PRKN: variants seen among roughly 807,000 people sequenced by gnomAD.
The protein encoded by PRKN is parkin RBR E3 ubiquitin protein ligase.
A neutral mutation model predicts 59.5 loss-of-function variants in PRKN; 56 were observed. That is an observed-to-expected ratio of 0.94 (90% CI 0.76 to 1.18). The LOEUF is 1.18. Among genes scored for constraint, PRKN ranks in the 50% most tolerant of loss-of-function variants. The pLI is 0.00. For synonymous variants in PRKN, 250 were observed against 222.1 expected (o/e 1.13, Z -1.12); for missense variants, 657 against 596.4 (o/e 1.10, Z -1.06).
intron 7 of PRKN, among the ~76,000 whole-genome samples, chr6:161,725,217 T>C (rs1787392267): frequency 1.3e-5 from 2 of 152,178 alleles, no homozygotes; most frequent in South Asian, 2.1e-4. Context: ...GGTGGATAAA[T>C]GTTCAAATGA....
At chr6:162,257,089 C>A (rs923894358) in intron 3 of PRKN, among the ~76,000 whole-genome samples, 10 of 152,194 alleles carry the variant, frequency 6.6e-5, no homozygotes, top group African/African-American at 2.4e-4. Context: ...GCATGGTATT[C>A]CTCTCCGCAG....
rs533360228 is a variant in PRKN at position 161,417,772 on chromosome 6, G to A, written c.1084-30895C>T. Among the ~76,000 whole-genome samples the A allele has an allele frequency of 1.5e-4, 23 of 152,332 alleles. No individual in the cohort carries two copies. Among genetic ancestry groups the A allele is most frequent in the South Asian group, 4.1e-4 (2 of 4,826 alleles). On this transcript the variant is annotated intron_variant, in intron 9 of 11. Coordinates refer to ENST00000366898, the MANE Select transcript of PRKN (RefSeq NM_004562.3). This position sits in a 1 kb window ranked among gnomAD's most constrained non-coding sequence, Gnocchi z 5.4. ...CTGGGTTTTAACCTCTAGACCTAGA[G>A]AACCAAATTAGATGAAAATACCAGC...
rs1330660249 is a variant in PRKN, at chr6:161,362,359, G to C, written c.1168-2154C>G. On this transcript the variant is annotated intron_variant, in intron 10 of 11. Transcript: ENST00000366898. The surrounding 1 kb of genome is among the most constrained non-coding windows in gnomAD (Gnocchi z 5.2). Reference sequence around the variant, plus strand: ...GCTGTGGGGCTATCTTCTTAGTCCCGCGCTGCCCATCATCTGGGTCTTCCC... The same window carrying C: ...GCTGTGGGGCTATCTTCTTAGTCCCCCGCTGCCCATCATCTGGGTCTTCCC... Among the ~76,000 whole-genome samples, 3 of 152,148 alleles carry C rather than the reference G, an allele frequency of 2.0e-5. No homozygotes were observed. The highest frequency in any genetic ancestry group is 3.9e-4 in the East Asian group (2 of 5,188).
chr6:162,049,367 T>C (rs1777527797), intron 5 of PRKN, among the ~76,000 whole-genome samples: 1 of 152,100 alleles, frequency 6.6e-6, no homozygotes, highest in Non-Finnish European at 1.5e-5. Flanking sequence ...AGTTTATATT[T>C]AGCTGCATTG....
chr6:162,497,872 C>A (rs1046444093), intron 1 of PRKN, among the ~76,000 whole-genome samples: 3 of 152,150 alleles, frequency 2.0e-5, no homozygotes, highest in Non-Finnish European at 4.4e-5. Flanking sequence ...AGTTAACAAT[C>A]ATTTATTGTA....
At chr6:161,686,191 T>C (rs557062280) in intron 7 of PRKN, among the ~76,000 whole-genome samples, 1 of 152,106 alleles carries the variant, frequency 6.6e-6, no homozygotes, top group African/African-American at 2.4e-5. Context: ...TGAGTTCAGG[T>C]CATTAGCATT....
chr6:162,634,528 C>A (rs1212563000), intron 1 of PRKN, among the ~76,000 whole-genome samples: 1 of 152,200 alleles, frequency 6.6e-6, no homozygotes, highest in African/African-American at 2.4e-5. Context: ...AGCATGAATG[C>A]ACACTTCTTC....
At chr6:161,476,598 A>T (rs145292399) in intron 9 of PRKN, among the ~76,000 whole-genome samples, 350 of 152,338 alleles carry the variant, frequency 2.3e-3, no homozygotes, top group African/African-American at 8.2e-3. Flanking sequence ...GATGGTGATT[A>T]AAAAGGCCAT....
chr6:162,722,298 A>G (rs1487568275), intron 1 of PRKN, among the ~76,000 whole-genome samples: 1 of 152,232 alleles, frequency 6.6e-6, no homozygotes, highest in African/African-American at 2.4e-5. Context: ...ATCTGTTAAG[A>G]GTCCTAGGTA....
chr6:162,275,541 T>C (rs910361937), intron 2 of PRKN, among the ~76,000 whole-genome samples: 1 of 152,172 alleles, frequency 6.6e-6, no homozygotes, highest in African/African-American at 2.4e-5. Context: ...TCCCAGCACT[T>C]TGAGAGGCCA....
chr6:162,197,999 A>C (rs1185131676), intron 4 of PRKN, among the ~76,000 whole-genome samples: 1 of 152,184 alleles, frequency 6.6e-6, no homozygotes, highest in African/African-American at 2.4e-5. Flanking sequence ...AAGTAAGGAC[A>C]CTTTGGTAGA....
chr6:161,841,995 G>A (rs755705074), intron 6 of PRKN, among the ~76,000 whole-genome samples: 1 of 151,992 alleles, frequency 6.6e-6, no homozygotes, highest in South Asian at 2.1e-4. Context: ...TCCAAATAAA[G>A]CCTGCCTTAC....
chr6:162,474,326 T>C (rs1173686900), intron 1 of PRKN, among the ~76,000 whole-genome samples: 1 of 152,190 alleles, frequency 6.6e-6, no homozygotes, highest in Non-Finnish European at 1.5e-5. Flanking sequence ...AATCTACATG[T>C]ATTTAATTCT....
At chr6:162,072,097 T>C (rs1024383644) in intron 4 of PRKN, among the ~76,000 whole-genome samples, 1 of 152,150 alleles carries the variant, frequency 6.6e-6, no homozygotes, top group Non-Finnish European at 1.5e-5. Flanking sequence ...GATGGAATAC[T>C]GAAAGAGACT....
intron 1 of PRKN, among the ~76,000 whole-genome samples, chr6:162,481,140 T>C (rs1418995415): frequency 6.6e-6 from 1 of 152,210 alleles, no homozygotes; most frequent in African/African-American, 2.4e-5. Flanking sequence ...ATTTTCATTC[T>C]ACTAGAATTA....
chr6:161,898,844 C>T (rs185712096), intron 6 of PRKN, among the ~76,000 whole-genome samples: 123 of 152,282 alleles, frequency 8.1e-4, no homozygotes, highest in African/African-American at 2.9e-3. Flanking sequence ...TGCAAATGTA[C>T]GCTTGTGGCT....
intron 2 of PRKN, among the ~76,000 whole-genome samples, chr6:162,363,621 G>GT (rs1785267837): frequency 1.3e-3 from 1 of 790 alleles, no homozygotes; most frequent in Non-Finnish European, 2.9e-3. Context: ...CATCATCATT[G>GT]TTACTATTAT....
chr6:161,478,271 G>T (rs1791217068), intron 9 of PRKN, among the ~76,000 whole-genome samples: 1 of 152,174 alleles, frequency 6.6e-6, no homozygotes, highest in South Asian at 2.1e-4. Context: ...CACTTCTCAT[G>T]CTATAGTTCC....
In PRKN at chr6:161,531,739, A is replaced by C. The variant is rs114060060; in HGVS notation, c.1083+17115T>G. On this transcript the variant is annotated intron_variant, in intron 9 of 11. Coordinates refer to ENST00000366898, the MANE Select transcript of PRKN (RefSeq NM_004562.3). ...AAAGAGTCAGGGTGCTCTGAAAAAAATCATGTCAGTCTTACCAGCAAGGGA... is the reference window on the plus strand; with the variant it reads ...AAAGAGTCAGGGTGCTCTGAAAAAACTCATGTCAGTCTTACCAGCAAGGGA... Among the ~76,000 whole-genome samples the C allele has an allele frequency of 5.8e-3, 880 of 152,280 alleles. 7 individuals carry two copies. Among genetic ancestry groups the C allele is most frequent in the African/African-American group, 0.02 (815 of 41,552 alleles).
Sources: gnomAD v4.1 joint callset for allele counts (sites outside exome capture counted in the v4.1 genomes callset) on GRCh38, gnomAD v4.1.1 for gene constraint, Gnocchi (gnomAD v3.1) non-coding constraint, MANE v1.5 for transcripts, NCBI Gene and HGNC (gene_info 2026-07-23, HGNC 2026-07-21) for gene names.